The following XKR9 variants were observed in gnomAD, a reference collection of about 807,000 sequenced individuals.
The protein encoded by XKR9 is XK-related protein 9.
XKR9 carries 32 observed loss-of-function variants against 32.0 expected under a neutral mutation model. The ratio of observed to expected loss-of-function variants is 1.00; its 90% CI spans 0.76 to 1.34. The LOEUF (loss-of-function observed/expected upper bound fraction) is 1.34, where lower values mean the gene tolerates loss of function less well. Ranked by LOEUF, XKR9 falls within the 40% of genes most tolerant of loss-of-function variation. The probability of loss-of-function intolerance (pLI) is 0.00; values close to 1 mark genes in which losing one functional copy is unlikely to be tolerated. For synonymous variants in XKR9, 168 were observed against 143.4 expected (o/e 1.17, Z -1.22); for missense variants, 546 against 429.7 (o/e 1.27, Z -2.39).
chr8:71,059,436 T>A, the XKR9 span, among the ~76,000 whole-genome samples: 3 of 152,266 alleles, frequency 2.0e-5, no homozygotes, highest in Non-Finnish European at 1.5e-5. Flanking sequence ...GTTCTTTGTT[T>A]ATCTTTTCTT....
rs1357231697 is a variant in XKR9 at position 70,747,256 on chromosome 8, C to T, written n.352+40103C>T. Among the ~76,000 whole-genome samples, 6 of 152,072 alleles carry T rather than the reference C, an allele frequency of 3.9e-5. No homozygotes were observed. The South Asian group carries it at 8.3e-4, about 21-fold the overall frequency. The stretch of plus-strand genomic sequence containing the variant: ...ACTTTTTGGTAGAATGGTTTATTTT[C>T]CTTTGGATATATACCCAGTAATGGT... On this transcript the variant is annotated intron_variant and non_coding_transcript_variant, in intron 2 of 3. Transcript: ENST00000520273.
chr8:70,779,706 T>C (rs762628872), intron 2 of XKR9, among the ~76,000 whole-genome samples: 1 of 152,208 alleles, frequency 6.6e-6, no homozygotes, highest in Non-Finnish European at 1.5e-5. Flanking sequence ...TCCAGGAATT[T>C]ATCCATTTCT....
chr8:70,935,144 C>CATATATACAT, the XKR9 span, among the ~76,000 whole-genome samples: 1 of 144,624 alleles, frequency 6.9e-6, no homozygotes, highest in East Asian at 2.0e-4. Flanking sequence ...TATATATACA[C>CATATATACAT]ATATATACAT....
chr8:70,769,025 G>A (rs553699283), intron 2 of XKR9, among the ~76,000 whole-genome samples: 27 of 152,094 alleles, frequency 1.8e-4, no homozygotes, highest in African/African-American at 4.8e-4. Flanking sequence ...TCATAGTGTC[G>A]TTGGTCTATA....
intron 3 of XKR9, among the ~76,000 whole-genome samples, chr8:70,701,066 C>T (rs1805512553): frequency 6.6e-6 from 1 of 152,152 alleles, no homozygotes; most frequent in Non-Finnish European, 1.5e-5. Flanking sequence ...TGGGAGTGAC[C>T]CGATTTTCCA....
At chr8:70,684,592 T>C (rs1249896016) in intron 3 of XKR9, among the ~76,000 whole-genome samples, 1 of 151,942 alleles carries the variant, frequency 6.6e-6, no homozygotes, top group Non-Finnish European at 1.5e-5. Context: ...TAATTTTAAT[T>C]GATCTGACAA....
At chr8:70,909,347 C>T in the XKR9 span, among the ~76,000 whole-genome samples, 1 of 152,142 alleles carries the variant, frequency 6.6e-6, no homozygotes, top group East Asian at 1.9e-4. Context: ...TCTGAAAAGC[C>T]CTTTTCTGGT....
chr8:71,003,179 T>C, the XKR9 span, among the ~76,000 whole-genome samples: 1 of 152,242 alleles, frequency 6.6e-6, no homozygotes, highest in African/African-American at 2.4e-5. Context: ...AAACTCTTTA[T>C]ACAGTTTTAT....
the XKR9 span, among the ~76,000 whole-genome samples, chr8:70,817,405 A>C: frequency 3.9e-5 from 6 of 152,146 alleles, no homozygotes; most frequent in African/African-American, 7.2e-5. Context: ...AATACCTAGG[A>C]ATACATCTAA....
At position 70,733,947 on chromosome 8, in the gene XKR9, G is replaced by A. The variant is rs200986901; in HGVS notation, c.645G>A (p.Ser215=). 1.1e-5 allele frequency: 18 copies of A among 1,612,620 alleles called. No individual in the cohort carries two copies. In the East Asian group the frequency reaches 1.3e-4, roughly 12 times the overall value. Residue 215 remains serine, a synonymous_variant, in exon 5 of 5, where the codon TCG becomes TCA. Transcript: ENST00000408926. ...YLFYKLFTLL[S]WMLSVVLLLF... ...TTTACAAGTTGTTTACATTATTATC[G>A]TGGATGCTGAGTGTTGTACTTCTAC...
At chr8:70,671,483 C>T (rs1818714619) in intron 1 of XKR9, among the ~76,000 whole-genome samples, 1 of 85,640 alleles carries the variant, frequency 1.2e-5, no homozygotes, top group Admixed American at 1.1e-4. Flanking sequence ...TCCCTCCCCC[C>T]TTCCCCGACC....
the XKR9 span, among the ~76,000 whole-genome samples, chr8:70,995,928 A>G: frequency 6.6e-6 from 1 of 152,198 alleles, no homozygotes; most frequent in East Asian, 1.9e-4. Flanking sequence ...CCAGCCCTCA[A>G]TGATCATTCC....
At chr8:70,857,280 G>C in the XKR9 span, among the ~76,000 whole-genome samples, 3 of 152,164 alleles carry the variant, frequency 2.0e-5, no homozygotes, top group Non-Finnish European at 4.4e-5. Context: ...AATAAAAAAT[G>C]ATAAAGGGGA....
the XKR9 span, among the ~76,000 whole-genome samples, chr8:71,026,567 G>A: frequency 6.6e-6 from 1 of 152,180 alleles, no homozygotes; most frequent in Non-Finnish European, 1.5e-5. Flanking sequence ...TGCTATTGTC[G>A]CAGGGAATGG....
At chr8:70,834,142 A>C in the XKR9 span, among the ~76,000 whole-genome samples, 1 of 151,988 alleles carries the variant, frequency 6.6e-6, no homozygotes, top group South Asian at 2.1e-4. Flanking sequence ...TGTATTTCTA[A>C]GTATAGAATA....
the XKR9 span, among the ~76,000 whole-genome samples, chr8:70,974,681 A>G: frequency 6.6e-6 from 1 of 152,204 alleles, no homozygotes; most frequent in Non-Finnish European, 1.5e-5. Context: ...GCTATTGTGA[A>G]TAGTGCCACT....
chr8:70,827,584 T>TGTA, the XKR9 span, among the ~76,000 whole-genome samples: 1 of 152,232 alleles, frequency 6.6e-6, no homozygotes, highest in Non-Finnish European at 1.5e-5. Context: ...CTCTGTGGCC[T>TGTA]GTAGCATATT....
downstream of XKR9, among the ~76,000 whole-genome samples, chr8:70,791,059 G>A (rs1191620321): frequency 6.6e-6 from 1 of 152,018 alleles, no homozygotes; most frequent in Admixed American, 6.6e-5. Flanking sequence ...CTTGGGAATT[G>A]GGGGAGGATT....
chr8:70,983,712 T>C, the XKR9 span, among the ~76,000 whole-genome samples: 1 of 151,574 alleles, frequency 6.6e-6, no homozygotes, highest in Non-Finnish European at 1.5e-5. Context: ...ACCCGGGAAG[T>C]GGAGGTTGCA....
Sources: gnomAD v4.1 joint callset for allele counts (sites outside exome capture counted in the v4.1 genomes callset) on GRCh38, gnomAD v4.1.1 for gene constraint, MANE v1.5 for transcripts, NCBI Gene and HGNC (gene_info 2026-07-23, HGNC 2026-07-21) for gene names.